GNAS: variants seen among roughly 807,000 people sequenced by gnomAD.
The protein encoded by GNAS is GNAS complex locus, also known as protein ALEX.
GNAS carries 8 observed loss-of-function variants against 54.5 expected under a neutral mutation model. The ratio of observed to expected loss-of-function variants is 0.15; its 90% CI spans 0.09 to 0.26. The LOEUF is 0.26. GNAS is among the 10% of genes least tolerant of loss of function. The probability of loss-of-function intolerance (pLI) is 1.00; values close to 1 mark genes in which losing one functional copy is unlikely to be tolerated. For missense variants in GNAS, 170 were observed against 529.8 expected, an observed-to-expected ratio of 0.32 and a Z score of 6.67; for synonymous variants, 204 against 191.4, an observed-to-expected ratio of 1.07 and a Z score of -0.54.
chr20:58,864,333 G>A (rs1462733196), intron 1 of GNAS, among the ~76,000 whole-genome samples: 1 of 152,090 alleles, frequency 6.6e-6, no homozygotes. Flanking sequence ...TCAGCCCCTC[G>A]ATTTTTTTGG....
At position 58,856,007 on chromosome 20, in the gene GNAS, G is replaced by A. The variant is rs186515444; in HGVS notation, c.43+15121G>A. 8.4e-4 allele frequency: 196 copies of A among 232,618 alleles called. No individual in the cohort carries two copies. The highest frequency in any genetic ancestry group is 3.9e-3 in the African/African-American group (172 of 44,104). The allele number at this position is 232,618 out of a possible 1,614,324, so 14.4% of individuals were successfully genotyped here. The stretch of plus-strand genomic sequence containing the variant: ...CGGGCGCTCTGCGGCAAGCGGTGCG[G>A]AGGACACGCGGGGAAGGTGGCGGGG... On this transcript the variant is annotated intron_variant, in intron 1 of 12. Transcript: ENST00000306090. This position sits in a 1 kb window ranked among gnomAD's most constrained non-coding sequence, Gnocchi z 4.2.
upstream of GNAS, chr20:58,889,575 C>G (rs2088918509): frequency 1.3e-5 from 2 of 152,702 alleles, no homozygotes; most frequent in African/African-American, 4.8e-5. Flanking sequence ...CCATCCGCGC[C>G]TTTGCACTTT....
At chr20:58,876,787 G>A (rs985547225) in intron 1 of GNAS, 8 of 152,136 alleles carry the variant, frequency 5.3e-5, no homozygotes, top group African/African-American at 1.9e-4. Context: ...TCCAAGTTTT[G>A]CTAAATTGTG....
In GNAS at chr20:58,882,142, C is replaced by T. The variant is rs537652379; in HGVS notation, c.44-13470C>T. On this transcript the variant is annotated intron_variant, in intron 1 of 12. Coordinates refer to the GNAS transcript ENST00000306090. ...GGAGTGCAGTGGCGCGATCTCGGCTCACTGCAAGCTCCGCCTCCCGGGTTC... is the reference window on the plus strand; with the variant it reads ...GGAGTGCAGTGGCGCGATCTCGGCTTACTGCAAGCTCCGCCTCCCGGGTTC... Among the ~76,000 whole-genome samples, 121 of 152,362 alleles carry T rather than the reference C, an allele frequency of 7.9e-4. 1 individual carries two copies. The highest frequency in any genetic ancestry group is 1.5e-3 in the Non-Finnish European group (102 of 68,028).
intron 1 of GNAS, among the ~76,000 whole-genome samples, chr20:58,868,022 CTTTT>C (rs370255144): frequency 2.3e-5 from 3 of 132,612 alleles, no homozygotes; most frequent in African/African-American, 2.9e-5. Flanking sequence ...TTCTTTCTTT[CTTTT>C]TTTTTTTTTT....
At chr20:58,854,072 C>T (rs1302516670) in intron 1 of GNAS, 1 of 1,611,808 alleles carries the variant, frequency 6.2e-7, no homozygotes. Flanking sequence ...TCACTCCCGC[C>T]GCGAACGCGC....
intron 1 of GNAS, among the ~76,000 whole-genome samples, chr20:58,868,192 G>A (rs944490429): frequency 1.2e-4 from 19 of 152,008 alleles, no homozygotes; most frequent in African/African-American, 4.3e-4. Context: ...AGCTAATTAT[G>A]TATTTTTAGT....
chr20:58,859,517 C>G (rs140471651), intron 1 of GNAS, among the ~76,000 whole-genome samples: 1 of 151,794 alleles, frequency 6.6e-6, no homozygotes, highest in Non-Finnish European at 1.5e-5. Flanking sequence ...TTTTTTAAAG[C>G]CTTTCATCTA....
chr20:58,898,731 G>A (rs1259789194), intron 2 of GNAS: 2 of 644,142 alleles, frequency 3.1e-6, no homozygotes, highest in Non-Finnish European at 5.6e-6. Context: ...CAAAGGTGTG[G>A]GATTCTTCCC....
chr20:58,878,311 G>T (rs1435395125), intron 1 of GNAS, among the ~76,000 whole-genome samples: 1 of 152,214 alleles, frequency 6.6e-6, no homozygotes. Context: ...TGAACAATTT[G>T]TGATTTTCTG....
chr20:58,904,980 T>C (rs937848664), intron 5 of GNAS, among the ~76,000 whole-genome samples: 21 of 152,270 alleles, frequency 1.4e-4, no homozygotes, highest in African/African-American at 5.1e-4. Flanking sequence ...AGGAGGAAAA[T>C]TTAGTCCCAG....
intron 1 of GNAS, among the ~76,000 whole-genome samples, chr20:58,862,969 A>G (rs1179913262): frequency 6.6e-6 from 1 of 152,038 alleles, no homozygotes; most frequent in African/African-American, 2.4e-5. Flanking sequence ...CATGAAAAAA[A>G]AAAAAAAAAG....
chr20:58,855,731 T>C lies in GNAS; in HGVS notation c.43+14845T>C, dbSNP rs77082676. 2.5e-3 allele frequency: 1,548 copies of C among 626,394 alleles called. 17 individuals are homozygous for C. Among genetic ancestry groups the C allele is most frequent in the African/African-American group, 0.025 (1,331 of 54,032 alleles). 38.8% of individuals were successfully genotyped at this position (626,394 alleles called of 1,614,324 possible). Reference sequence around the variant, plus strand: ...GGGGTCCACGGTGGGCTGGGGTCATTGGGGAAGGCGCGCCCCGCCTCGCCT... The same window carrying C: ...GGGGTCCACGGTGGGCTGGGGTCATCGGGGAAGGCGCGCCCCGCCTCGCCT... On this transcript the variant is annotated intron_variant, in intron 1 of 12. Transcript: ENST00000306090.
intron 1 of GNAS, chr20:58,852,885 A>G: frequency 2.5e-6 from 1 of 406,132 alleles, no homozygotes; most frequent in East Asian, 5.9e-5. Flanking sequence ...GCAGAGAGAG[A>G]GCGCTACTGG....
chr20:58,891,428 C>G lies in GNAS; in HGVS notation c.-299C>G, dbSNP rs1443975290. 7.1e-6 allele frequency: 3 copies of G among 420,442 alleles called. No homozygotes were observed. The highest frequency in any genetic ancestry group is 9.1e-5 in the South Asian group (1 of 10,998). The allele number at this position is 420,442 out of a possible 1,614,324, so 26.0% of individuals were successfully genotyped here. ...GGCGGCGGCAGCGGCGGCAGCAGCT[C>G]CCGCAGCTCCTGCTCTGGTCCGCCT... On this transcript the variant is annotated 5_prime_UTR_variant, in exon 1 of 13. Coordinates refer to ENST00000371085, the MANE Select transcript of GNAS (RefSeq NM_000516.7).
chr20:58,855,398 G>A, intron 1 of GNAS: 4 of 1,447,676 alleles, frequency 2.8e-6, no homozygotes, highest in Non-Finnish European at 3.8e-6. Flanking sequence ...GGGTGGCAGG[G>A]CTGCCTGGTG....
chr20:58,854,725 T>C (rs2086373479), intron 1 of GNAS: 3 of 1,534,810 alleles, frequency 2.0e-6, no homozygotes, highest in South Asian at 2.4e-5. Context: ...GCAGCCCATG[T>C]CGCCCCAGCT....
At position 58,854,079 on chromosome 20, in the gene GNAS, G is replaced by A. The variant is rs781067546; in HGVS notation, c.43+13193G>A. 5.1e-5 allele frequency: 83 copies of A among 1,611,968 alleles called. 2 individuals are homozygous for A. The South Asian group carries it at 8.6e-4, about 17-fold the overall frequency. ...GGTCCGCCTCACTCCCGCCGCGAAC[G>A]CGCCTCCCCTCTGGGTCCCAGGCGC... On this transcript the variant is annotated intron_variant, in intron 1 of 12. Transcript: ENST00000306090.
Position 58,857,200 on chromosome 20 carries a change from A to G in GNAS, c.43+16314A>G, listed in dbSNP as rs976461174. ...TTTTTATTAATGGCATTATTGGCAT[A>G]TAACTGTGCTATTGTGATGTGGCTC... On this transcript the variant is annotated intron_variant, in intron 1 of 12. Coordinates refer to the GNAS transcript ENST00000306090. The surrounding 1 kb of genome is among the most constrained non-coding windows in gnomAD (Gnocchi z 4.1). 1.3e-5 allele frequency: 2 copies of G among 152,254 alleles called. No individual in the cohort carries two copies. Among genetic ancestry groups the G allele is most frequent in the African/African-American group, 4.8e-5 (2 of 41,458 alleles). The allele number at this position is 152,254 out of a possible 1,614,324, so 9.4% of individuals were successfully genotyped here.
Sources: gnomAD v4.1 joint callset for allele counts (sites outside exome capture counted in the v4.1 genomes callset) on GRCh38, gnomAD v4.1.1 for gene constraint, Gnocchi (gnomAD v3.1) non-coding constraint, MANE v1.5 for transcripts, NCBI Gene and HGNC (gene_info 2026-07-23, HGNC 2026-07-21) for gene names.